Variants in PCLO observed in about 807,000 individuals in gnomAD.
PCLO encodes the protein piccolo presynaptic cytomatrix protein.
Under a neutral mutation model 427.5 loss-of-function variants are expected in PCLO, and 82 were observed. That is an observed-to-expected ratio of 0.19 (90% CI 0.16 to 0.23). The LOEUF (loss-of-function observed/expected upper bound fraction) is 0.23, where lower values mean the gene tolerates loss of function less well. Among genes scored for constraint, PCLO ranks in the 10% least tolerant of loss-of-function variants. The pLI, the probability that PCLO is intolerant of heterozygous loss-of-function variation, is 1.00. For missense variants in PCLO, 6,239 were observed against 6,115.9 expected (o/e 1.02, Z -0.67); for synonymous variants, 2,357 against 2,155.4 (o/e 1.09, Z -2.59).
intron 3 of PCLO, among the ~76,000 whole-genome samples, chr7:83,047,302 C>T (rs750811048): frequency 6.6e-6 from 1 of 151,904 alleles, no homozygotes; most frequent in Non-Finnish European, 1.5e-5. Context: ...TTTATATGTA[C>T]AGGCATGACA....
At chr7:82,995,800 T>C (rs1051596220) in intron 3 of PCLO, among the ~76,000 whole-genome samples, 1 of 151,986 alleles carries the variant, frequency 6.6e-6, no homozygotes, top group Non-Finnish European at 1.5e-5. Flanking sequence ...AAAAATTGTA[T>C]TGACATATAT....
intron 10 of PCLO, among the ~76,000 whole-genome samples, chr7:82,860,322 A>G (rs1371366393): frequency 6.6e-6 from 1 of 152,130 alleles, no homozygotes; most frequent in East Asian, 1.9e-4. Flanking sequence ...AAGAGAAAAA[A>G]AAATAACATA....
chr7:82,869,146 T>G (rs1793169568), intron 10 of PCLO, among the ~76,000 whole-genome samples: 1 of 152,128 alleles, frequency 6.6e-6, no homozygotes, highest in Non-Finnish European at 1.5e-5. Context: ...AAGTTTAGAT[T>G]TAGTCCATGA....
At chr7:82,878,055 C>T (rs1793417060) in intron 10 of PCLO, among the ~76,000 whole-genome samples, 1 of 152,120 alleles carries the variant, frequency 6.6e-6, no homozygotes, top group South Asian at 2.1e-4. Flanking sequence ...ATTAAGCAAG[C>T]AAGCAAACAA....
chr7:83,162,561 C>G lies in PCLO; in HGVS notation c.32G>C (p.Gly11Ala). MGNEASLEGE[G>A]LPEGLAAAAA... ...GGCCGCCGCCAGCCCTTCGGGGAGCCCTTCCCCTTCCAAGCTCGCCTCGTT... is the reference window on the plus strand; with the variant it reads ...GGCCGCCGCCAGCCCTTCGGGGAGCGCTTCCCCTTCCAAGCTCGCCTCGTT... Residue 11 changes from glycine to alanine, a missense_variant, in exon 1 of 25, where the codon GGG becomes GCG. Coordinates refer to ENST00000333891, the MANE Select transcript of PCLO (RefSeq NM_033026.6). 1 of 1,550,400 alleles carries G rather than the reference C, an allele frequency of 6.4e-7. No individual in the cohort carries two copies.
rs573772979 is a variant in PCLO at position 83,106,350 on chromosome 7, G to GA, written c.3300+27899dup. ...TTATCCTCAGCTGAAAAAATGTCAG[G>GA]ATTCTGGAAAACCAAAACAATACAT... On this transcript the variant is annotated intron_variant, in intron 3 of 24. Transcript: ENST00000333891. Among the ~76,000 whole-genome samples, 36 of 152,236 alleles carry GA rather than the reference G, an allele frequency of 2.4e-4. No individual in the cohort carries two copies. In the South Asian group the frequency reaches 6.4e-3, roughly 27 times the overall value.
chr7:83,028,084 A>G (rs1464548162), intron 3 of PCLO, among the ~76,000 whole-genome samples: 1 of 151,334 alleles, frequency 6.6e-6, no homozygotes, highest in Non-Finnish European at 1.5e-5. Context: ...CCTATTCAAC[A>G]TAGTGTTGGA....
Position 82,950,114 on chromosome 7 carries a change from C to G in PCLO, c.10474G>C (p.Ala3492Pro). The G allele has an allele frequency of 6.2e-7, 1 of 1,610,476 alleles. No individual in the cohort carries two copies. The highest frequency in any genetic ancestry group is 8.5e-7 in the Non-Finnish European group (1 of 1,179,336). ...CTGTCACCATATTTCCCTACACGAG[C>G]TTTCCTCCTTGATCTAGTAGGCATA... ...WDMPTRSRRK[A>P]RVGKYGDSMT... is the part of the protein sequence containing the mutation. The change falls in exon 6 of 25, where the codon GCT (alanine) becomes CCT (proline). Residue 3492 changes from alanine to proline, a missense_variant. Ala to Pro is a conservative substitution (Grantham distance 27). Around this residue, in one of 5 missense-constraint regions of PCLO, gnomAD observed 4,677 missense variants for 4,468.4 expected, o/e 1.05. Transcript: ENST00000333891.
At chr7:83,115,384 T>A (rs1040772762) in intron 3 of PCLO, among the ~76,000 whole-genome samples, 1 of 152,058 alleles carries the variant, frequency 6.6e-6, no homozygotes, top group Non-Finnish European at 1.5e-5. Context: ...AAATGTATAA[T>A]AGTTATTCTG....
At chr7:82,912,841 C>G (rs1350453947) in intron 7 of PCLO, among the ~76,000 whole-genome samples, 8 of 152,006 alleles carry the variant, frequency 5.3e-5, no homozygotes, top group African/African-American at 1.9e-4. Flanking sequence ...GACAAAATAT[C>G]TATGATGATA....
intron 15 of PCLO, among the ~76,000 whole-genome samples, chr7:82,836,824 G>A (rs1792243270): frequency 1.3e-5 from 2 of 152,096 alleles, no homozygotes; most frequent in South Asian, 4.1e-4. Flanking sequence ...AGATTCAAGG[G>A]CAGTGTATAG....
intron 22 of PCLO, among the ~76,000 whole-genome samples, chr7:82,771,205 C>G (rs1296329849): frequency 6.6e-6 from 1 of 151,922 alleles, no homozygotes; most frequent in Non-Finnish European, 1.5e-5. Context: ...GAGCCACTAG[C>G]TAGCTCCCTT....
chr7:82,977,050 A>G (rs2115742867), intron 3 of PCLO, among the ~76,000 whole-genome samples: 1 of 152,286 alleles, frequency 6.6e-6, no homozygotes, highest in South Asian at 2.1e-4. Context: ...TAGATATAAA[A>G]TAAAAATTCG....
intron 6 of PCLO, among the ~76,000 whole-genome samples, chr7:82,931,767 T>G (rs1467240712): frequency 2.0e-5 from 3 of 152,132 alleles, no homozygotes; most frequent in Non-Finnish European, 2.9e-5. Flanking sequence ...AATTTTGGAA[T>G]TGACAGCCCA....
chr7:82,922,645 A>G (rs537225339), intron 6 of PCLO, among the ~76,000 whole-genome samples: 1 of 152,064 alleles, frequency 6.6e-6, no homozygotes, highest in African/African-American at 2.4e-5. Flanking sequence ...TATGCTCGTT[A>G]CCTGGGTGAA....
At chr7:83,036,391 G>C (rs1051817115) in intron 3 of PCLO, among the ~76,000 whole-genome samples, 8 of 152,106 alleles carry the variant, frequency 5.3e-5, no homozygotes, top group Non-Finnish European at 1.0e-4. Flanking sequence ...GACTGTCTTA[G>C]TAAAGATTGC....
rs550075288 is a variant in PCLO at position 82,899,230 on chromosome 7, A to G, written c.13528+3421T>C. Among the ~76,000 whole-genome samples the G allele has an allele frequency of 5.3e-5, 8 of 151,604 alleles. No homozygotes were observed. The East Asian group carries it at 1.6e-3, about 29-fold the overall frequency. On this transcript the variant is annotated intron_variant, in intron 9 of 24. Transcript: ENST00000333891. ...TAAATGAAAGTAGAGCTAACAATAA[A>G]TCCTTAATATTACCAAATATTTAGT... is the stretch of plus-strand genomic sequence containing the variant.
At chr7:83,032,717 A>C (rs960340862) in intron 3 of PCLO, among the ~76,000 whole-genome samples, 2 of 152,144 alleles carry the variant, frequency 1.3e-5, no homozygotes, top group African/African-American at 2.4e-5. Flanking sequence ...TCACCCAGTC[A>C]TAAAACACTG....
chr7:82,782,206 G>A (rs1175564375), intron 22 of PCLO, among the ~76,000 whole-genome samples: 1 of 152,128 alleles, frequency 6.6e-6, no homozygotes, highest in Non-Finnish European at 1.5e-5. Flanking sequence ...TTAAATTGGA[G>A]GACACCCAGC....
Sources: gnomAD v4.1 joint callset for allele counts (sites outside exome capture counted in the v4.1 genomes callset) on GRCh38, gnomAD v4.1.1 for gene constraint, gnomAD v4.1.1 regional missense constraint, MANE v1.5 for transcripts, NCBI Gene and HGNC (gene_info 2026-07-23, HGNC 2026-07-21) for gene names.